The following KIF13B variants were observed in gnomAD, a reference collection of about 807,000 sequenced individuals.
The protein encoded by KIF13B is kinesin-like protein KIF13B.
A neutral mutation model predicts 222.0 loss-of-function variants in KIF13B; 127 were observed. The observed-to-expected ratio is 0.57, with a 90% CI of 0.50 to 0.66. KIF13B has a LOEUF of 0.66. Among genes scored for constraint, KIF13B ranks in the 30% least tolerant of loss-of-function variants. The pLI, the probability that KIF13B is intolerant of heterozygous loss-of-function variation, is 0.00. For synonymous variants in KIF13B, 976 were observed against 919.0 expected (o/e 1.06, Z -1.12); for missense variants, 2,173 against 2,379.0 (o/e 0.91, Z 1.80).
intron 8 of KIF13B, 113 bp downstream of exon 8, chr8:29,179,991 T>C (rs1305465336): frequency 1.3e-5 from 16 of 1,197,310 alleles, no homozygotes; most frequent in Middle Eastern, 2.0e-4. Context: ...AGAGTCCTCA[T>C]TGATACACAA....
In KIF13B at chr8:29,132,432, C is replaced by T. The variant is rs1310607769; in HGVS notation, c.2818G>A (p.Glu940Lys). 2 of 1,565,138 alleles carry T rather than the reference C, an allele frequency of 1.3e-6. No individual in the cohort carries two copies. The highest frequency in any genetic ancestry group is 1.2e-5 in the South Asian group (1 of 83,022). ...FSVNITEDFI[E>K]HLSEGALAIE... ...GCCAATGCTCCTTCGGAAAGATGCT[C>T]GATAAAGTCTTCGGTGATGTTAACA... Residue 940 changes from glutamate to lysine, a missense_variant, in exon 23 of 40, where the codon GAG becomes AAG. By Grantham distance (56) the Glu-to-Lys change is moderately conservative. Coordinates refer to ENST00000524189, the MANE Select transcript of KIF13B (RefSeq NM_015254.4).
At chr8:29,180,811 T>C (rs375374683) in intron 7 of KIF13B, among the ~76,000 whole-genome samples, 65 of 152,096 alleles carry the variant, frequency 4.3e-4, no homozygotes, top group African/African-American at 1.5e-3. Flanking sequence ...CAAGGGATTT[T>C]CTTTTTTTTT....
chr8:29,147,321 C>A, intron 17 of KIF13B, 71 bp downstream of exon 17: 2 of 1,098,306 alleles, frequency 1.8e-6, no homozygotes, highest in South Asian at 2.8e-5. Context: ...TCCCATTTGA[C>A]ACTTTCCCTA....
At chr8:29,194,115 C>T (rs1039483016) in intron 3 of KIF13B, among the ~76,000 whole-genome samples, 6 of 151,916 alleles carry the variant, frequency 3.9e-5, no homozygotes, top group Non-Finnish European at 5.9e-5. Context: ...TGAGCCACCG[C>T]GCCCGGCCCT....
intron 21 of KIF13B, among the ~76,000 whole-genome samples, chr8:29,137,683 TA>T (rs1328021504): frequency 6.6e-6 from 1 of 152,174 alleles, no homozygotes; most frequent in Non-Finnish European, 1.5e-5. Flanking sequence ...CCTTTTTACA[TA>T]AAAGGCCATT....
intron 2 of KIF13B, among the ~76,000 whole-genome samples, chr8:29,224,414 C>A (rs914555740): frequency 2.0e-5 from 3 of 152,124 alleles, no homozygotes; most frequent in African/African-American, 7.2e-5. Flanking sequence ...TTATTATTAA[C>A]TAACAAGGTC....
chr8:29,137,531 C>G (rs1192114163), intron 21 of KIF13B, among the ~76,000 whole-genome samples: 1 of 152,178 alleles, frequency 6.6e-6, no homozygotes, highest in Non-Finnish European at 1.5e-5. Flanking sequence ...GTGCATATAG[C>G]CTTGTTACAA....
chr8:29,222,730 C>T (rs934991646), intron 2 of KIF13B, among the ~76,000 whole-genome samples: 2 of 152,080 alleles, frequency 1.3e-5, no homozygotes, highest in East Asian at 1.9e-4. Flanking sequence ...TTCTTGGGTA[C>T]ATGCCAAAGA....
rs1050937046 is a variant in KIF13B, at chr8:29,068,548, C to T, written c.*1956G>A. 1 of 152,276 alleles carries T rather than the reference C, an allele frequency of 6.6e-6. No homozygotes were observed. Among genetic ancestry groups the T allele is most frequent in the Non-Finnish European group, 1.5e-5 (1 of 68,096 alleles). 9.4% of individuals were successfully genotyped at this position (152,276 alleles called of 1,614,324 possible). A position where few individuals can be genotyped will look rare whatever the true frequency, so the allele number is the denominator to read the frequency against. On this transcript the variant is annotated 3_prime_UTR_variant, in exon 40 of 40. Transcript: ENST00000524189. The surrounding 1 kb of genome is among the most constrained non-coding windows in gnomAD (Gnocchi z 4.4). Reference sequence around the variant, plus strand: ...GGTAAAAAGCACGACACACACGTCCCCCAGGACTTTCCCAAGATGGTGCTA... The same window carrying T: ...GGTAAAAAGCACGACACACACGTCCTCCAGGACTTTCCCAAGATGGTGCTA...
In KIF13B at chr8:29,070,470, G is replaced by A. The variant is rs1807200617; in HGVS notation, c.*34C>T. 2 of 1,603,204 alleles carry A rather than the reference G, an allele frequency of 1.2e-6. No homozygotes were observed. Among genetic ancestry groups the A allele is most frequent in the East Asian group, 2.2e-5 (1 of 44,606 alleles). On this transcript the variant is annotated 3_prime_UTR_variant, in exon 40 of 40. Coordinates refer to ENST00000524189, the MANE Select transcript of KIF13B (RefSeq NM_015254.4). The surrounding 1 kb of genome is among the most constrained non-coding windows in gnomAD (Gnocchi z 4.1). ...ACTGGCAGGGCTCAAAAGGGGCCGGGCACCCCCAGAAAAGTTCGCCCTAAG... is the reference window on the plus strand; with the variant it reads ...ACTGGCAGGGCTCAAAAGGGGCCGGACACCCCCAGAAAAGTTCGCCCTAAG...
At chr8:29,160,646 A>C in intron 13 of KIF13B, 87 bp downstream of exon 13, 2 of 1,272,542 alleles carry the variant, frequency 1.6e-6, no homozygotes, top group Admixed American at 5.2e-5. Context: ...TTTTCTGAGT[A>C]AGCATGGTTC....
chr8:29,210,278 T>G (rs958450434), intron 2 of KIF13B, among the ~76,000 whole-genome samples: 2 of 152,210 alleles, frequency 1.3e-5, no homozygotes, highest in Non-Finnish European at 2.9e-5. Context: ...CCAGAACACT[T>G]GAATTCCAGA....
chr8:29,082,650 T>TAAA (rs916446113), intron 37 of KIF13B, among the ~76,000 whole-genome samples: 3 of 149,470 alleles, frequency 2.0e-5, no homozygotes, highest in African/African-American at 7.4e-5. Flanking sequence ...AAAAATAAAT[T>TAAA]AAAAAAAAAT....
chr8:29,088,779 C>T (rs1317919122), intron 37 of KIF13B, among the ~76,000 whole-genome samples: 1 of 152,194 alleles, frequency 6.6e-6, no homozygotes, highest in Non-Finnish European at 1.5e-5. Flanking sequence ...CAAGTGAAAG[C>T]ATAAAGCATA....
chr8:29,180,621 CAAAT>C (rs1224908354), intron 7 of KIF13B, among the ~76,000 whole-genome samples: 3 of 152,142 alleles, frequency 2.0e-5, no homozygotes. Context: ...ATAAGCAACA[CAAAT>C]AACTTAAATA....
rs375598915 is a variant in KIF13B, at chr8:29,116,918, G to A, written c.3750C>T (p.Ile1250=). Residue 1250 remains isoleucine (I), a synonymous_variant, in exon 31 of 40, where the codon ATC becomes ATT. Coordinates refer to ENST00000524189, the MANE Select transcript of KIF13B (RefSeq NM_015254.4). ...GGCTGAGCTGGACCGTCACGCGCAC[G>A]ATCAGGAACAACCGCTCGTCCACGG... The part of the protein sequence containing the change: ...GTPVDERLFL[I]VRVTVQLSHP... 47 of 1,612,836 alleles carry A rather than the reference G, an allele frequency of 2.9e-5. No individual in the cohort carries two copies. The African/African-American group carries it at 4.0e-4, about 14-fold the overall frequency.
chr8:29,123,085 T>G (rs1486928497), intron 28 of KIF13B, among the ~76,000 whole-genome samples: 1 of 152,202 alleles, frequency 6.6e-6, no homozygotes, highest in Non-Finnish European at 1.5e-5. Context: ...GTAATTAACA[T>G]ATTAACTATT....
intron 2 of KIF13B, among the ~76,000 whole-genome samples, chr8:29,220,497 G>A (rs991699688): frequency 2.0e-5 from 3 of 151,934 alleles, no homozygotes; most frequent in Admixed American, 6.6e-5. Context: ...AGGGGAAGGC[G>A]ACAGCTGGTT....
chr8:29,081,961 A>G (rs138648497), intron 37 of KIF13B, among the ~76,000 whole-genome samples: 1 of 152,376 alleles, frequency 6.6e-6, no homozygotes. Context: ...TCTGATCTAG[A>G]AATCACAAGT....
Sources: allele counts gnomAD v4.1 joint callset (sites outside exome capture counted in the v4.1 genomes callset), GRCh38; gene constraint gnomAD v4.1.1; non-coding constraint Gnocchi (gnomAD v3.1); transcripts MANE v1.5; gene names NCBI Gene and HGNC (gene_info 2026-07-23, HGNC 2026-07-21).